Variants in GUCY1A2 observed in about 807,000 individuals in gnomAD.
GUCY1A2 encodes guanylate cyclase soluble subunit alpha-2.
A neutral mutation model predicts 63.5 loss-of-function variants in GUCY1A2; 27 were observed. That is an observed-to-expected ratio of 0.43 (90% confidence interval 0.31 to 0.59). The LOEUF (loss-of-function observed/expected upper bound fraction) is 0.59, where lower values mean the gene tolerates loss of function less well. GUCY1A2 is among the 20% of genes least tolerant of loss of function. The pLI, the probability that GUCY1A2 is intolerant of heterozygous loss-of-function variation, is 0.11. For missense variants in GUCY1A2, 768 were observed against 913.3 expected, an observed-to-expected ratio of 0.84 and a Z score of 2.05; for synonymous variants, 364 against 343.5, an observed-to-expected ratio of 1.06 and a Z score of -0.66.
At chr11:106,708,889 G>A (rs1179893149) in intron 6 of GUCY1A2, among the ~76,000 whole-genome samples, 1 of 151,334 alleles carries the variant, frequency 6.6e-6, no homozygotes, top group Non-Finnish European at 1.5e-5. Flanking sequence ...AATAGATTAA[G>A]TATATGAAAA....
At chr11:106,746,418 T>A in intron 6 of GUCY1A2, 1 of 521,368 alleles carries the variant, frequency 1.9e-6, no homozygotes, top group Non-Finnish European at 3.4e-6. Flanking sequence ...AAACTACCAG[T>A]ACTACTACAA....
chr11:106,798,823 A>C (rs1214999497), intron 5 of GUCY1A2, among the ~76,000 whole-genome samples: 3 of 152,256 alleles, frequency 2.0e-5, no homozygotes, highest in South Asian at 4.1e-4. Flanking sequence ...GAATGGGCAA[A>C]AACTGGAAGC....
chr11:106,854,753 A>C (rs1379398543), intron 4 of GUCY1A2, among the ~76,000 whole-genome samples: 1 of 152,062 alleles, frequency 6.6e-6, no homozygotes, highest in Non-Finnish European at 1.5e-5. Context: ...TGCCTATGGA[A>C]GTCCTGTCCT....
intron 6 of GUCY1A2, among the ~76,000 whole-genome samples, chr11:106,754,836 C>A (rs1041059271): frequency 5.9e-5 from 9 of 152,026 alleles, no homozygotes; most frequent in Admixed American, 2.6e-4. Context: ...TGTGTCTCTG[C>A]CAGGTTTTGG....
At chr11:106,753,458 G>A (rs1863918243) in intron 6 of GUCY1A2, among the ~76,000 whole-genome samples, 1 of 152,146 alleles carries the variant, frequency 6.6e-6, no homozygotes, top group Non-Finnish European at 1.5e-5. Context: ...TGTCTGAATG[G>A]TATTGCCTAG....
chr11:106,836,860 C>T (rs113421793), intron 4 of GUCY1A2, among the ~76,000 whole-genome samples: 4,820 of 151,990 alleles, frequency 0.032, 258 homozygotes, highest in African/African-American at 0.11. Flanking sequence ...TTACATTTCT[C>T]TCAACTGCAA....
intron 6 of GUCY1A2, among the ~76,000 whole-genome samples, chr11:106,716,792 AAAG>A (rs1863223276): frequency 4.0e-5 from 5 of 126,364 alleles, no homozygotes; most frequent in African/African-American, 6.6e-5. Flanking sequence ...AAAAAAAAAA[AAAG>A]ATAAGAGTAA....
chr11:106,917,779 A>C (rs1319280840), intron 4 of GUCY1A2, among the ~76,000 whole-genome samples: 1 of 89,998 alleles, frequency 1.1e-5, no homozygotes, highest in Non-Finnish European at 2.1e-5. Context: ...AGCATCACAC[A>C]CCGGGGCCTG....
chr11:106,827,884 C>T (rs906005759), intron 4 of GUCY1A2: 12 of 1,567,454 alleles, frequency 7.7e-6, no homozygotes, highest in Non-Finnish European at 9.7e-6. Flanking sequence ...GGGCGCGCTG[C>T]CTTCATGCTG....
chr11:106,819,658 T>C (rs1039873190), intron 4 of GUCY1A2, among the ~76,000 whole-genome samples: 1 of 152,172 alleles, frequency 6.6e-6, no homozygotes, highest in Non-Finnish European at 1.5e-5. Context: ...TACAGTATAG[T>C]GTGAAAAGAA....
In GUCY1A2 at chr11:106,992,566, G is replaced by A. The variant is rs77950279; in HGVS notation, c.304-6435C>T. On this transcript the variant is annotated intron_variant, in intron 1 of 7. Transcript: ENST00000526355. ...AGGATGGTCTCGATCTCCTGACCTC[G>A]TGATCTGCCCACCTCAGCCTCCCAA... is the stretch of plus-strand genomic sequence containing the variant. 2.6e-3 allele frequency among the ~76,000 whole-genome samples: 396 copies of A among 152,040 alleles called. 1 individual carries two copies. Among genetic ancestry groups the A allele is most frequent in the African/African-American group, 8.9e-3 (370 of 41,480 alleles).
chr11:106,896,908 ACTGTCT>A (rs1485778634), intron 4 of GUCY1A2, among the ~76,000 whole-genome samples: 1 of 152,184 alleles, frequency 6.6e-6, no homozygotes, highest in African/African-American at 2.4e-5. Flanking sequence ...ATGAAATAAA[ACTGTCT>A]CTGTTCAGAG....
intron 3 of GUCY1A2, among the ~76,000 whole-genome samples, chr11:106,945,039 C>G (rs933881272): frequency 6.6e-6 from 1 of 151,596 alleles, no homozygotes; most frequent in African/African-American, 2.4e-5. Flanking sequence ...AGAATTTCCC[C>G]TGAACCATGG....
intron 4 of GUCY1A2, among the ~76,000 whole-genome samples, chr11:106,841,829 C>T (rs1859202398): frequency 6.6e-6 from 1 of 151,908 alleles, no homozygotes; most frequent in South Asian, 2.1e-4. Context: ...ACAAAACAAG[C>T]ACAAATGAAA....
At chr11:106,758,165 C>T (rs920681234) in intron 6 of GUCY1A2, among the ~76,000 whole-genome samples, 2 of 152,180 alleles carry the variant, frequency 1.3e-5, no homozygotes, top group South Asian at 4.1e-4. Flanking sequence ...CCTACTCAAG[C>T]CTCAGCAGTG....
intron 6 of GUCY1A2, among the ~76,000 whole-genome samples, chr11:106,758,518 A>G (rs537679364): frequency 2.0e-5 from 3 of 152,238 alleles, no homozygotes; most frequent in South Asian, 2.1e-4. Flanking sequence ...CCACTGTCCA[A>G]CCAGTCTCAA....
chr11:106,781,420 A>G (rs925056060), intron 5 of GUCY1A2, among the ~76,000 whole-genome samples: 2 of 152,200 alleles, frequency 1.3e-5, no homozygotes, highest in Non-Finnish European at 1.5e-5. Flanking sequence ...GCTCCCTTAC[A>G]TATTACTATA....
intron 6 of GUCY1A2, among the ~76,000 whole-genome samples, chr11:106,744,412 A>G (rs942165754): frequency 6.6e-6 from 1 of 152,062 alleles, no homozygotes; most frequent in Admixed American, 6.5e-5. Flanking sequence ...ACACCCGGCT[A>G]ATTTTTGTAT....
At chr11:106,903,060 A>C (rs560734976) in intron 4 of GUCY1A2, among the ~76,000 whole-genome samples, 2 of 152,206 alleles carry the variant, frequency 1.3e-5, no homozygotes, top group Non-Finnish European at 2.9e-5. Flanking sequence ...CCAATGACTT[A>C]CTGTGCTCAA....
Sources: allele counts gnomAD v4.1 joint callset (sites outside exome capture counted in the v4.1 genomes callset), GRCh38; gene constraint gnomAD v4.1.1; transcripts MANE v1.5; gene names NCBI Gene and HGNC (gene_info 2026-07-23, HGNC 2026-07-21).